The following CALD1 variants were observed in gnomAD, a reference collection of about 807,000 sequenced individuals.
The protein encoded by CALD1 is caldesmon 1.
CALD1 carries 33 observed loss-of-function variants against 99.9 expected under a neutral mutation model. The observed-to-expected ratio is 0.33, with a 90% CI of 0.25 to 0.44. CALD1 has a LOEUF of 0.44. CALD1 is among the 20% of genes least tolerant of loss of function. CALD1 has a pLI of 1.00. For missense variants in CALD1, 861 were observed against 962.1 expected, an observed-to-expected ratio of 0.89 and a Z score of 1.39; for synonymous variants, 310 against 325.0, an observed-to-expected ratio of 0.95 and a Z score of 0.50.
At chr7:134,960,765 A>G (rs1808205030) in intron 13 of CALD1, 137 bp downstream of exon 13, 2 of 613,058 alleles carry the variant, frequency 3.3e-6, no homozygotes, top group South Asian at 4.0e-5. Flanking sequence ...GCAAACAGGA[A>G]AGTGTTCAGA....
At chr7:134,910,656 C>T (rs1369768989) in intron 3 of CALD1, among the ~76,000 whole-genome samples, 1 of 151,998 alleles carries the variant, frequency 6.6e-6, no homozygotes, top group Non-Finnish European at 1.5e-5. Flanking sequence ...CACACGTACA[C>T]ACACACACAC....
intron 3 of CALD1, among the ~76,000 whole-genome samples, chr7:134,909,914 G>GGT (rs1214870174): frequency 6.6e-6 from 1 of 152,144 alleles, no homozygotes; most frequent in African/African-American, 2.4e-5. Flanking sequence ...GGGAGATGTG[G>GGT]TCAACAGTGT....
At chr7:134,743,160 G>A (rs17791851), upstream of CALD1, among the ~76,000 whole-genome samples, 84,877 of 152,092 alleles carry the variant, frequency 0.56, 24,962 homozygotes, top group East Asian at 0.86. Context: ...TGCAGTTGGC[G>A]GAAACTTGGG....
chr7:134,844,814 T>C (rs1188818425), intron 2 of CALD1, among the ~76,000 whole-genome samples: 1 of 152,188 alleles, frequency 6.6e-6, no homozygotes, highest in African/African-American at 2.4e-5. Context: ...GGCACACACC[T>C]GTCTGGTGTC....
Position 134,785,362 on chromosome 7 carries a change from T to C in CALD1, c.-130+5613T>C, listed in dbSNP as rs191006782. On this transcript the variant is annotated intron_variant, in intron 1 of 14. Transcript: ENST00000361675. ...TTGTTGGCAAGAAACTTCATATGAA[T>C]CTTCCATGTGATATGGCTCCCTTCA... Among the ~76,000 whole-genome samples the C allele has an allele frequency of 2.3e-3, 345 of 152,320 alleles. 8 individuals are homozygous for C. Among genetic ancestry groups the C allele is most frequent in the Admixed American group, 0.021 (318 of 15,296 alleles).
chr7:134,916,435 G>A (rs1187378888), intron 3 of CALD1, among the ~76,000 whole-genome samples: 2 of 152,186 alleles, frequency 1.3e-5, no homozygotes, highest in East Asian at 1.9e-4. Flanking sequence ...AAAAATGAGA[G>A]TGGAAGCAGA....
intron 2 of CALD1, among the ~76,000 whole-genome samples, chr7:134,857,158 CTTTTTTTTTTTTTTTTTT>C (rs59210460): frequency 1.3e-5 from 1 of 75,354 alleles, no homozygotes; most frequent in Admixed American, 2.0e-4. Flanking sequence ...TTGCGCTATT[CTTTTTTTTTTTTTTTTTT>C]TTTTTTTTTG....
chr7:134,873,192 AAAC>A (rs1334493276), intron 3 of CALD1, among the ~76,000 whole-genome samples: 5 of 135,490 alleles, frequency 3.7e-5, no homozygotes, highest in African/African-American at 1.5e-4. Context: ...ACAAACAAAC[AAAC>A]AAACAAAACA....
At chr7:134,849,852 C>G (rs1372849938) in intron 2 of CALD1, among the ~76,000 whole-genome samples, 2 of 152,154 alleles carry the variant, frequency 1.3e-5, no homozygotes, top group Non-Finnish European at 2.9e-5. Flanking sequence ...CCATGCCTAA[C>G]TTTTTACATT....
At chr7:134,957,563 G>T (rs1807873205) in intron 9 of CALD1, among the ~76,000 whole-genome samples, 1 of 152,066 alleles carries the variant, frequency 6.6e-6, no homozygotes, top group African/African-American at 2.4e-5. Context: ...GGGGCTACAG[G>T]CGCGTGTCAC....
chr7:134,868,248 T>G (rs1389908801), intron 3 of CALD1: 1 of 157,418 alleles, frequency 6.4e-6, no homozygotes, highest in Non-Finnish European at 1.4e-5. Context: ...AAATTTTCAT[T>G]CTTATTAGAA....
At chr7:134,850,140 G>T (rs1800016540) in intron 2 of CALD1, among the ~76,000 whole-genome samples, 2 of 152,178 alleles carry the variant, frequency 1.3e-5, no homozygotes, top group African/African-American at 4.8e-5. Flanking sequence ...ATAAACAGAA[G>T]ATTCATTTTT....
intron 4 of CALD1, 148 bp from the exon 5 acceptor site, chr7:134,932,840 G>A (rs1805630872): frequency 1.8e-6 from 1 of 555,592 alleles, no homozygotes; most frequent in African/African-American, 1.9e-5. Flanking sequence ...AGCCAGGCAG[G>A]CGTGTACTAA....
At chr7:134,737,588 G>T in the CALD1 span, among the ~76,000 whole-genome samples, 1 of 151,878 alleles carries the variant, frequency 6.6e-6, no homozygotes, top group Non-Finnish European at 1.5e-5. Flanking sequence ...TGCTTATTTT[G>T]TATTATCTTT....
intron 1 of CALD1, among the ~76,000 whole-genome samples, chr7:134,842,440 A>G (rs899394271): frequency 1.3e-5 from 2 of 152,272 alleles, no homozygotes; most frequent in Non-Finnish European, 2.9e-5. Context: ...TATTTCCATA[A>G]TGAAAGCAAA....
intron 1 of CALD1, among the ~76,000 whole-genome samples, chr7:134,797,926 T>C (rs1201625051): frequency 1.3e-5 from 2 of 152,194 alleles, no homozygotes; most frequent in African/African-American, 2.4e-5. Flanking sequence ...TAAATAAAAG[T>C]TTATTTTAGA....
At position 134,920,835 on chromosome 7, in the gene CALD1, A is replaced by G. The variant is rs1247181553; in HGVS notation, c.72-7919A>G. On this transcript the variant is annotated intron_variant, in intron 3 of 14. Transcript: ENST00000361675. ...GCAGAGTTCTTTTTCAAAATATAGG[A>G]ATGTGCAGAAACAATTAAGGAAAAC... 35 of 466,548 alleles carry G rather than the reference A, an allele frequency of 7.5e-5. No individual in the cohort carries two copies. The Admixed American group carries it at 1.1e-3, about 14-fold the overall frequency. The allele number at this position is 466,548 out of a possible 1,614,324, so 28.9% of individuals were successfully genotyped here.
chr7:134,883,356 T>G (rs991870258), intron 3 of CALD1, among the ~76,000 whole-genome samples: 1 of 152,212 alleles, frequency 6.6e-6, no homozygotes, highest in Non-Finnish European at 1.5e-5. Context: ...GTCGGCTATT[T>G]TTTTTAAGTA....
intron 1 of CALD1, among the ~76,000 whole-genome samples, chr7:134,840,915 A>G (rs1799624880): frequency 6.6e-6 from 1 of 152,138 alleles, no homozygotes; most frequent in South Asian, 2.1e-4. Flanking sequence ...ATATATTATA[A>G]TTTCTCTTAG....
Sources: gnomAD v4.1 joint callset for allele counts (sites outside exome capture counted in the v4.1 genomes callset) on GRCh38, gnomAD v4.1.1 for gene constraint, MANE v1.5 for transcripts, NCBI Gene and HGNC (gene_info 2026-07-23, HGNC 2026-07-21) for gene names.